Variants in FARP1 observed in about 807,000 individuals in gnomAD.
FARP1 encodes the protein FERM, ARHGEF and pleckstrin domain-containing protein 1.
FARP1 carries 52 observed loss-of-function variants against 128.8 expected under a neutral mutation model. That is an observed-to-expected ratio of 0.40 (90% CI 0.32 to 0.51). The LOEUF (loss-of-function observed/expected upper bound fraction) is 0.51. Ranked by LOEUF, FARP1 falls within the 20% of genes least tolerant of loss-of-function variation. FARP1 has a pLI of 0.45. For missense variants in FARP1, 1,333 were observed against 1,367.9 expected (o/e 0.97, Z 0.40); for synonymous variants, 580 against 551.8 (o/e 1.05, Z -0.72).
intron 1 of FARP1, among the ~76,000 whole-genome samples, chr13:98,143,725 C>A: frequency 6.6e-6 from 1 of 151,602 alleles, no homozygotes; most frequent in South Asian, 2.1e-4. Context: ...CTCCGGGCTG[C>A]CCCCTGCGCC....
intron 3 of FARP1, among the ~76,000 whole-genome samples, chr13:98,344,452 C>G (rs1287806074): frequency 1.3e-5 from 2 of 152,116 alleles, no homozygotes; most frequent in Admixed American, 1.3e-4. Flanking sequence ...TGGGGAAGAC[C>G]ATGCCCGGGG....
At chr13:98,343,634 A>T in intron 2 of FARP1, 128 bp from the exon 3 acceptor site, 1 of 692,986 alleles carries the variant, frequency 1.4e-6, no homozygotes, top group Non-Finnish European at 2.6e-6. Flanking sequence ...GGTGTCACGG[A>T]GGTGGGCGGT....
intron 1 of FARP1, among the ~76,000 whole-genome samples, chr13:98,156,871 A>G (rs1175675869): frequency 6.6e-6 from 1 of 152,206 alleles, no homozygotes; most frequent in Non-Finnish European, 1.5e-5. Flanking sequence ...GAATGTATAC[A>G]TGTTTTTATT....
At chr13:98,158,309 G>A (rs1876634096) in intron 1 of FARP1, among the ~76,000 whole-genome samples, 3 of 152,138 alleles carry the variant, frequency 2.0e-5, no homozygotes, top group South Asian at 4.1e-4. Context: ...CATATAAAAA[G>A]TCATGTAAGA....
chr13:98,449,251 C>T lies in FARP1; in HGVS notation c.*934C>T, dbSNP rs1299781136. Reference sequence around the variant, plus strand: ...GTAGTCCCCGGCACCTGTCGTTATTCCTATATCCTCCTGCAACTGTGGTTT... The same window carrying T: ...GTAGTCCCCGGCACCTGTCGTTATTTCTATATCCTCCTGCAACTGTGGTTT... On this transcript the variant is annotated 3_prime_UTR_variant, in exon 27 of 27. Transcript: ENST00000319562. 2 of 152,230 alleles carry T rather than the reference C, an allele frequency of 1.3e-5. No individual in the cohort carries two copies. Among genetic ancestry groups the T allele is most frequent in the Non-Finnish European group, 2.9e-5 (2 of 68,056 alleles). 9.4% of individuals were successfully genotyped at this position (152,230 alleles called of 1,614,324 possible). A position where few individuals can be genotyped will look rare whatever the true frequency, so the allele number is the denominator to read the frequency against.
chr13:98,342,601 G>A (rs540334791), intron 2 of FARP1, among the ~76,000 whole-genome samples: 6 of 152,150 alleles, frequency 3.9e-5, no homozygotes, highest in Admixed American at 6.5e-5. Flanking sequence ...TCGGGAGGCC[G>A]AGGTAGGAGA....
At chr13:98,426,836 A>G (rs1891807494) in intron 17 of FARP1, among the ~76,000 whole-genome samples, 1 of 152,250 alleles carries the variant, frequency 6.6e-6, no homozygotes. Context: ...GGCACAACAG[A>G]TAGAAGGATA....
At chr13:98,304,255 G>A (rs1298764157) in intron 2 of FARP1, among the ~76,000 whole-genome samples, 1 of 152,180 alleles carries the variant, frequency 6.6e-6, no homozygotes, top group Non-Finnish European at 1.5e-5. Context: ...GTAATGGAGT[G>A]TAGGACTTCC....
At chr13:98,368,094 C>A in intron 4 of FARP1, 23 bp from the exon 5 acceptor site, 1 of 1,595,264 alleles carries the variant, frequency 6.3e-7, no homozygotes, top group Non-Finnish European at 8.6e-7. Flanking sequence ...AAATGCTTTA[C>A]TTCTTTTTTT....
chr13:98,236,382 T>C (rs1048120167), intron 2 of FARP1, among the ~76,000 whole-genome samples: 44 of 152,200 alleles, frequency 2.9e-4, no homozygotes, highest in Admixed American at 6.5e-5. Flanking sequence ...TGATACCTGC[T>C]CAGAGCCTTC....
intron 1 of FARP1, among the ~76,000 whole-genome samples, chr13:98,184,494 T>C (rs1302358017): frequency 6.6e-5 from 10 of 152,192 alleles, no homozygotes; most frequent in African/African-American, 2.2e-4. Context: ...TTTTGGAAAA[T>C]TGTTCATACT....
At chr13:98,150,804 C>CA (rs921538060) in intron 1 of FARP1, among the ~76,000 whole-genome samples, 8 of 151,938 alleles carry the variant, frequency 5.3e-5, no homozygotes, top group African/African-American at 1.9e-4. Context: ...AAAATATAAG[C>CA]AAAAAAGTGT....
intron 2 of FARP1, among the ~76,000 whole-genome samples, chr13:98,335,159 A>G (rs55666006): frequency 0.024 from 3,729 of 152,284 alleles, 131 homozygotes; most frequent in African/African-American, 0.079. Flanking sequence ...CTAACATGCC[A>G]CTTACCATGT....
At chr13:98,392,233 C>T (rs565327575) in intron 11 of FARP1, among the ~76,000 whole-genome samples, 21 of 151,164 alleles carry the variant, frequency 1.4e-4, no homozygotes, top group African/African-American at 4.6e-4. Flanking sequence ...GCCTGTAATC[C>T]CAGCACTTTG....
chr13:98,362,958 C>G (rs1471280477), intron 3 of FARP1, among the ~76,000 whole-genome samples: 1 of 152,232 alleles, frequency 6.6e-6, no homozygotes, highest in Non-Finnish European at 1.5e-5. Context: ...CACCTACTTT[C>G]TCAAACTCTA....
At chr13:98,312,051 T>G (rs967087863) in intron 2 of FARP1, among the ~76,000 whole-genome samples, 2 of 151,020 alleles carry the variant, frequency 1.3e-5, no homozygotes, top group African/African-American at 4.9e-5. Context: ...TTCACCATGT[T>G]GGCCAGGCTG....
chr13:98,435,504 A>T (rs1304350819), intron 18 of FARP1, 72 bp from the exon 19 acceptor site: 55 of 1,505,128 alleles, frequency 3.7e-5, no homozygotes, highest in Admixed American at 5.9e-5. Context: ...TGCAGCGTTG[A>T]GCTGACAGCT....
At chr13:98,227,821 C>T (rs969520754) in intron 2 of FARP1, among the ~76,000 whole-genome samples, 1 of 152,154 alleles carries the variant, frequency 6.6e-6, no homozygotes, top group African/African-American at 2.4e-5. Context: ...CCATATGCCA[C>T]AACATAGATG....
At chr13:98,410,972 T>A in intron 15 of FARP1, 149 bp downstream of exon 15, 1 of 498,432 alleles carries the variant, frequency 2.0e-6, no homozygotes, top group Non-Finnish European at 3.6e-6. Context: ...AATTAAATGC[T>A]AATAGTATAT....
Sources: allele counts gnomAD v4.1 joint callset (sites outside exome capture counted in the v4.1 genomes callset), GRCh38; gene constraint gnomAD v4.1.1; transcripts MANE v1.5; gene names NCBI Gene and HGNC (gene_info 2026-07-23, HGNC 2026-07-21).